Variants in NUP210L observed in about 807,000 individuals in gnomAD.
The protein encoded by NUP210L is nuclear pore membrane glycoprotein 210-like.
In NUP210L, 74 loss-of-function variants were observed where a neutral mutation model predicts 208.5. The ratio of observed to expected loss-of-function variants is 0.35; its 90% CI spans 0.29 to 0.43. NUP210L has a LOEUF of 0.43. Ranked by LOEUF, NUP210L falls within the 20% of genes least tolerant of loss-of-function variation. The pLI is 1.00. For synonymous variants in NUP210L, 780 were observed against 816.9 expected (o/e 0.95, Z 0.77); for missense variants, 1,843 against 2,289.4 (o/e 0.81, Z 3.98).
chr1:154,133,832 A>C (rs756363939), intron 7 of NUP210L, among the ~76,000 whole-genome samples: 18 of 150,032 alleles, frequency 1.2e-4, no homozygotes, highest in Non-Finnish European at 2.2e-4. Context: ...TGGGCAACAG[A>C]GTGAGACCCT....
At chr1:154,076,271 T>C (rs1655035150) in intron 16 of NUP210L, among the ~76,000 whole-genome samples, 1 of 151,850 alleles carries the variant, frequency 6.6e-6, no homozygotes, top group Non-Finnish European at 1.5e-5. Flanking sequence ...GCCCGGCTAA[T>C]TTTTGTATTT....
Position 154,083,260 on chromosome 1 carries a change from T to C in NUP210L, c.2361+6161A>G, listed in dbSNP as rs145789845. Among the ~76,000 whole-genome samples the C allele has an allele frequency of 1.6e-3, 246 of 152,306 alleles. 1 individual carries two copies. The highest frequency in any genetic ancestry group is 3.4e-3 in the Middle Eastern group (1 of 294). ...CACTGATTGGTCCATTTTTACAGTG[T>C]GCTGACTGGTGCATTTACAAACCTT... is the stretch of plus-strand genomic sequence containing the variant. On this transcript the variant is annotated intron_variant, in intron 16 of 39. Coordinates refer to ENST00000368559, the Ensembl canonical transcript of NUP210L.
chr1:154,140,754 G>A (rs924551486), intron 4 of NUP210L, among the ~76,000 whole-genome samples: 2 of 151,664 alleles, frequency 1.3e-5, no homozygotes, highest in Non-Finnish European at 2.9e-5. Flanking sequence ...AGGCCAAAGT[G>A]GGCAGATCAG....
At position 154,100,664 on chromosome 1, in the gene NUP210L, A is replaced by G. The variant is rs191056012; in HGVS notation, c.1820-521T>C. Reference sequence around the variant, plus strand: ...CTCCTGAGTAACTGGGATTACAGGCACCTGCCACCATGTCTGGCTAATTTT... The same window carrying G: ...CTCCTGAGTAACTGGGATTACAGGCGCCTGCCACCATGTCTGGCTAATTTT... On this transcript the variant is annotated intron_variant, in intron 13 of 39. Transcript: ENST00000368559. Among the ~76,000 whole-genome samples the G allele has an allele frequency of 6.6e-3, 986 of 150,496 alleles. 7 individuals carry two copies. Among genetic ancestry groups the G allele is most frequent in the Non-Finnish European group, 8.6e-3 (581 of 67,698 alleles).
chr1:154,085,856 A>G (rs886748891), intron 16 of NUP210L, among the ~76,000 whole-genome samples: 9 of 152,226 alleles, frequency 5.9e-5, no homozygotes, highest in African/African-American at 1.9e-4. Flanking sequence ...AGACAACTCA[A>G]GGTATAAGAA....
intron 37 of NUP210L, among the ~76,000 whole-genome samples, chr1:153,998,293 G>A (rs1313469064): frequency 1.3e-5 from 2 of 152,058 alleles, no homozygotes; most frequent in Non-Finnish European, 2.9e-5. Flanking sequence ...AGTAACTTAC[G>A]CCTGTAATCC....
intron 37 of NUP210L, among the ~76,000 whole-genome samples, chr1:154,000,497 A>G (rs1375795553): frequency 6.6e-6 from 1 of 152,226 alleles, no homozygotes; most frequent in Non-Finnish European, 1.5e-5. Context: ...GCCATTATTA[A>G]GTAAAATAAG....
chr1:154,015,018 AAAAT>A (rs1278721791), intron 33 of NUP210L, among the ~76,000 whole-genome samples: 2 of 152,132 alleles, frequency 1.3e-5, no homozygotes, highest in African/African-American at 4.8e-5. Context: ...ATAAATAAAT[AAAAT>A]AAAACAAAGT....
intron 33 of NUP210L, among the ~76,000 whole-genome samples, chr1:154,014,912 G>A (rs1377521261): frequency 3.3e-5 from 5 of 152,184 alleles, no homozygotes; most frequent in Non-Finnish European, 7.3e-5. Flanking sequence ...GCTGAGGCAC[G>A]AGAATTGCTT....
intron 35 of NUP210L, among the ~76,000 whole-genome samples, chr1:154,007,194 C>T (rs1650608606): frequency 6.7e-6 from 1 of 149,804 alleles, no homozygotes; most frequent in Non-Finnish European, 1.5e-5. Context: ...AACTCCTGAC[C>T]TCAAGTGATC....
At position 154,140,032 on chromosome 1, in the gene NUP210L, T is replaced by C. The variant is rs1658759372; in HGVS notation, c.567-80A>G. Reference sequence around the variant, plus strand: ...AAAAGTCCCTAAGAGACTTTAAACATAGTTTCTTCAATGTCTATAGAATGT... The same window carrying C: ...AAAAGTCCCTAAGAGACTTTAAACACAGTTTCTTCAATGTCTATAGAATGT... On this transcript the variant is annotated intron_variant, in intron 4 of 39. Transcript: ENST00000368559. 3.6e-6 allele frequency: 4 copies of C among 1,099,426 alleles called. No individual in the cohort carries two copies. The Admixed American group carries it at 6.4e-5, about 18-fold the overall frequency. 68.1% of individuals were successfully genotyped at this position (1,099,426 alleles called of 1,614,324 possible). A position where few individuals can be genotyped will look rare whatever the true frequency, so the allele number is the denominator to read the frequency against.
intron 32 of NUP210L, 112 bp downstream of exon 32, chr1:154,022,014 T>C: frequency 1.0e-6 from 1 of 980,840 alleles, no homozygotes; most frequent in Non-Finnish European, 1.6e-6. Context: ...AGATTATGGG[T>C]ATAAACCACT....
chr1:154,083,554 G>A (rs368671323), intron 16 of NUP210L, among the ~76,000 whole-genome samples: 2 of 152,244 alleles, frequency 1.3e-5, no homozygotes, highest in East Asian at 3.9e-4. Flanking sequence ...CTCAACCTGT[G>A]AGATCTGACA....
intron 16 of NUP210L, among the ~76,000 whole-genome samples, chr1:154,076,397 C>A (rs941939390): frequency 6.6e-6 from 1 of 152,006 alleles, no homozygotes; most frequent in Non-Finnish European, 1.5e-5. Flanking sequence ...CCACTGTGCC[C>A]GGCCAGACTT....
chr1:154,145,671 A>AAGTT (rs1659080209), intron 2 of NUP210L, among the ~76,000 whole-genome samples: 1 of 152,232 alleles, frequency 6.6e-6, no homozygotes, highest in Non-Finnish European at 1.5e-5. Flanking sequence ...TCAGAGAAAG[A>AAGTT]AGTTACAATA....
chr1:154,061,141 G>T, intron 18 of NUP210L, 95 bp from the exon 19 acceptor site: 1 of 796,008 alleles, frequency 1.3e-6, no homozygotes, highest in Non-Finnish European at 2.1e-6. Context: ...ACTTTGGGAG[G>T]GTAAGGCAGG....
chr1:154,130,386 C>T (rs1408369904), intron 7 of NUP210L, among the ~76,000 whole-genome samples: 1 of 151,664 alleles, frequency 6.6e-6, no homozygotes, highest in Non-Finnish European at 1.5e-5. Context: ...GATTCTTCTG[C>T]CTCAGACTCC....
rs1196661554 is a variant in NUP210L, at chr1:154,006,966, A to AT, written c.4930+3005dup. On this transcript the variant is annotated intron_variant, in intron 35 of 39. Coordinates refer to ENST00000368559, the Ensembl canonical transcript of NUP210L. Reference sequence around the variant, plus strand: ...TGTGTGTATATATATATATATATATATTTTTTTTTTTTTTTTAAATGGAGT... The same window carrying AT: ...TGTGTGTATATATATATATATATATATTTTTTTTTTTTTTTTTAAATGGAGT... Among the ~76,000 whole-genome samples, 103 of 115,784 alleles carry AT rather than the reference A, an allele frequency of 8.9e-4. 2 individuals are homozygous for AT. The highest frequency in any genetic ancestry group is 2.5e-3 in the African/African-American group (77 of 30,382). 76.0% of individuals were successfully genotyped at this position (115,784 alleles called of 152,430 possible). A position where few individuals can be genotyped will look rare whatever the true frequency, so the allele number is the denominator to read the frequency against.
At chr1:154,138,314 G>T in intron 5 of NUP210L, 76 bp from the exon 6 acceptor site, 1 of 1,318,316 alleles carries the variant, frequency 7.6e-7, no homozygotes. Flanking sequence ...CTTGTTAAAA[G>T]CTTACTTCTT....
Sources: gnomAD v4.1 joint callset for allele counts (sites outside exome capture counted in the v4.1 genomes callset) on GRCh38, gnomAD v4.1.1 for gene constraint, MANE v1.5 for transcripts, NCBI Gene and HGNC (gene_info 2026-07-23, HGNC 2026-07-21) for gene names.